Variants in TEKT4 observed in about 807,000 individuals in gnomAD.
TEKT4 encodes tektin 4.
Under a neutral mutation model 46.0 loss-of-function variants are expected in TEKT4, and 46 were observed. That is an observed-to-expected ratio of 1.00 (90% CI 0.79 to 1.28). The LOEUF (loss-of-function observed/expected upper bound fraction) is 1.28. Among genes scored for constraint, TEKT4 ranks in the 50% most tolerant of loss-of-function variants. TEKT4 has a pLI of 0.00. For missense variants in TEKT4, 790 were observed against 622.9 expected, an observed-to-expected ratio of 1.27 and a Z score of -2.85; for synonymous variants, 325 against 265.8, an observed-to-expected ratio of 1.22 and a Z score of -2.17.
Position 94,874,849 on chromosome 2 carries a change from T to C in TEKT4, c.787T>C (p.Ser263Pro). 1 of 1,607,936 alleles carries C rather than the reference T, an allele frequency of 6.2e-7. No individual in the cohort carries two copies. Among genetic ancestry groups the C allele is most frequent in the Non-Finnish European group, 8.5e-7 (1 of 1,178,010 alleles). Residue 263 changes from serine to proline, a missense_variant, in exon 4 of 6, where the codon TCG becomes CCG. Ser to Pro is a moderately conservative substitution (Grantham distance 74). Transcript: ENST00000295201. ...CCGTGCCCAGCGCGAGCGCCTGGCC[T>C]CGGCCAACCTGCGGGTGCTGGTGGA... ...LCRAQRERLA[S>P]ANLRVLVDCI...
In TEKT4 at chr2:94,871,592, G is replaced by T. The variant is rs376333361; in HGVS notation, c.13G>T (p.Val5Leu). 3.7e-6 allele frequency: 6 copies of T among 1,606,536 alleles called. No homozygotes were observed. In the African/African-American group the frequency reaches 6.7e-5, roughly 18 times the overall value. Residue 5 changes from valine (V) to leucine (L), a missense_variant, in exon 1 of 6, where the codon GTG (valine) becomes TTG (leucine). By Grantham distance (32) the Val-to-Leu change is conservative (BLOSUM62 1). Transcript: ENST00000295201. ...GGCGGCAGGCACCATGGCGCAGACAGTGCCGCCCTGCGAGCTGCCCTGCAA... is the reference window on the plus strand; with the variant it reads ...GGCGGCAGGCACCATGGCGCAGACATTGCCGCCCTGCGAGCTGCCCTGCAA... MAQTVPPCELPCKEY... is the reference protein window; with the variant it reads MAQTLPPCELPCKEY...
chr2:94,876,668 G>T lies in TEKT4; in HGVS notation c.1207G>T (p.Asp403Tyr). The change falls in exon 6 of 6, where the codon GAC becomes TAC. Residue 403 changes from aspartate (D) to tyrosine (Y), a missense_variant. Coordinates refer to ENST00000295201, the MANE Select transcript of TEKT4 (RefSeq NM_144705.4). ...LEDIHMSLEK[D>Y]IAAMTNSLFI... Reference sequence around the variant, plus strand: ...GGACATCCACATGAGCCTGGAGAAGGACATTGCCGCCATGACCAACAGTCT... The same window carrying T: ...GGACATCCACATGAGCCTGGAGAAGTACATTGCCGCCATGACCAACAGTCT... The T allele has an allele frequency of 6.2e-7, 1 of 1,613,368 alleles. No homozygotes were observed. Among genetic ancestry groups the T allele is most frequent in the Non-Finnish European group, 8.5e-7 (1 of 1,180,008 alleles).
chr2:94,872,182 A>G (rs1680607595), intron 1 of TEKT4, 105 bp downstream of exon 1: 1 of 1,389,822 alleles, frequency 7.2e-7, no homozygotes, highest in East Asian at 2.6e-5. Flanking sequence ...AGCACGCGGG[A>G]GCCCAGCCCT....
chr2:94,873,054 G>A (rs1396369093), intron 1 of TEKT4: 11 of 1,279,866 alleles, frequency 8.6e-6, no homozygotes, highest in South Asian at 6.2e-5. Flanking sequence ...AATTAAACTG[G>A]CCAGGCAATA....
At chr2:94,873,462 G>GCCT in intron 1 of TEKT4, 58 bp from the exon 2 acceptor site, 1 of 1,610,794 alleles carries the variant, frequency 6.2e-7, no homozygotes, top group South Asian at 1.1e-5. Context: ...CAGCAGCTGG[G>GCCT]CCTCCTGGGA....
chr2:94,872,806 C>A (rs781891363), intron 1 of TEKT4: 25 of 1,289,014 alleles, frequency 1.9e-5, no homozygotes, highest in Middle Eastern at 2.1e-4. Flanking sequence ...CCCTTCTTTA[C>A]CCTTCTGCAG....
At position 94,875,693 on chromosome 2, in the gene TEKT4, C is replaced by A. The variant is rs782704600; in HGVS notation, c.1042C>A (p.Arg348Ser). 3.1e-6 allele frequency: 5 copies of A among 1,614,040 alleles called. No individual in the cohort carries two copies. The Admixed American group carries it at 8.3e-5, about 27-fold the overall frequency. Residue 348 changes from arginine to serine, a missense_variant, in exon 5 of 6, where the codon CGC becomes AGC. Arg to Ser is a moderately radical substitution (Grantham distance 110, BLOSUM62 -1). Coordinates refer to ENST00000295201, the MANE Select transcript of TEKT4 (RefSeq NM_144705.4). Reference sequence around the variant, plus strand: ...CGTAGCCCAGACCCGGCTGTACCTGCGCTCGCACCGGCCCAACATGGAGCT... The same window carrying A: ...CGTAGCCCAGACCCGGCTGTACCTGAGCTCGCACCGGCCCAACATGGAGCT... The part of the protein sequence containing the change: ...LHVAQTRLYL[R>S]SHRPNMELCR...
chr2:94,874,096 C>G lies in TEKT4; in HGVS notation c.701C>G (p.Thr234Ser). Residue 234 changes from threonine to serine, a missense_variant, in exon 3 of 6, where the codon ACC (threonine) becomes AGC (serine). By Grantham distance (58) the Thr-to-Ser change is moderately conservative (BLOSUM62 1). Coordinates refer to ENST00000295201, the MANE Select transcript of TEKT4 (RefSeq NM_144705.4). ...GTGCAGGCTCATCCGTACTCCACCA[C>G]CTTCCAAGAGAGGTGGGCCCCAGCT... ...TEVQAHPYST[T>S]FQESASTPET... is the part of the protein sequence containing the mutation. The G allele has an allele frequency of 1.2e-6, 2 of 1,613,520 alleles. No homozygotes were observed. Among genetic ancestry groups the G allele is most frequent in the Non-Finnish European group, 1.7e-6 (2 of 1,179,900 alleles).
At chr2:94,875,401 C>T (rs1442428523) in intron 4 of TEKT4, among the ~76,000 whole-genome samples, 187 bp from the exon 5 acceptor site, 5 of 152,216 alleles carry the variant, frequency 3.3e-5, no homozygotes, top group African/African-American at 9.6e-5. Context: ...CAACAGGCTT[C>T]CTGACTCTCC....
intron 1 of TEKT4, 30 bp downstream of exon 1, chr2:94,872,107 G>T: frequency 6.6e-7 from 1 of 1,506,548 alleles, no homozygotes. Context: ...GCCGGGATTT[G>T]TGGGCGCAGA....
intron 2 of TEKT4, 152 bp downstream of exon 2, chr2:94,873,742 C>G (rs77715120): frequency 2.4e-6 from 3 of 1,257,686 alleles, no homozygotes; most frequent in Non-Finnish European, 3.3e-6. Flanking sequence ...GAGGTTCCGG[C>G]GCAGCCTGAG....
In TEKT4 at chr2:94,875,649, A is replaced by G; in HGVS notation, c.998A>G (p.Asp333Gly). ...NVAALKQAIK[D>G]KEAPLHVAQT... is the part of the protein sequence containing the mutation. ...GCGGCACTGAAGCAGGCCATCAAGGACAAAGAGGCACCTCTGCACGTAGCC... is the reference window on the plus strand; with the variant it reads ...GCGGCACTGAAGCAGGCCATCAAGGGCAAAGAGGCACCTCTGCACGTAGCC... Residue 333 changes from aspartate to glycine, a missense_variant, in exon 5 of 6, where the codon GAC becomes GGC. Coordinates refer to ENST00000295201, the MANE Select transcript of TEKT4 (RefSeq NM_144705.4). The G allele has an allele frequency of 1.3e-5, 21 of 1,614,166 alleles. No individual in the cohort carries two copies. The highest frequency in any genetic ancestry group is 1.8e-5 in the Non-Finnish European group (21 of 1,180,008).
intron 2 of TEKT4, 74 bp downstream of exon 2, chr2:94,873,664 C>T (rs1335551589): frequency 6.3e-7 from 1 of 1,581,582 alleles, no homozygotes; most frequent in African/African-American, 1.3e-5. Flanking sequence ...CATTGAACGA[C>T]AGGACCCTGA....
In TEKT4 at chr2:94,871,438, C is replaced by T. The variant is rs1431880422; in HGVS notation, c.-142C>T. 2.8e-6 allele frequency: 3 copies of T among 1,067,120 alleles called. No homozygotes were observed. Among genetic ancestry groups the T allele is most frequent in the Non-Finnish European group, 3.9e-6 (3 of 765,766 alleles). The allele number at this position is 1,067,120 out of a possible 1,614,324, so 66.1% of individuals were successfully genotyped here. A position where few individuals can be genotyped will look rare whatever the true frequency, so the allele number is the denominator to read the frequency against. ...GGCAACAGGAAGCTCTTGGTTTACA[C>T]AGTGTCACCCAAGCGACTGGGAGCC... On this transcript the variant is annotated 5_prime_UTR_variant, in exon 1 of 6. Coordinates refer to ENST00000295201, the MANE Select transcript of TEKT4 (RefSeq NM_144705.4).
At position 94,874,071 on chromosome 2, in the gene TEKT4, G is replaced by C; in HGVS notation, c.676G>C (p.Val226Leu). The change falls in exon 3 of 6, where the codon GTG (valine) becomes CTG (leucine). Residue 226 changes from valine (V) to leucine (L), a missense_variant. Physicochemically the swap from Val to Leu is conservative, Grantham distance 32 (BLOSUM62 1). Transcript: ENST00000295201. ...CGRHHSQSTE[V>L]QAHPYSTTFQ... ...GCGCCACCACAGCCAGAGCACCGAG[G>C]TGCAGGCTCATCCGTACTCCACCAC... The C allele has an allele frequency of 6.2e-7, 1 of 1,613,622 alleles. No individual in the cohort carries two copies. The highest frequency in any genetic ancestry group is 8.5e-7 in the Non-Finnish European group (1 of 1,179,914).
chr2:94,872,361 G>T (rs782558102), intron 1 of TEKT4: 28 of 540,210 alleles, frequency 5.2e-5, no homozygotes, highest in Non-Finnish European at 7.9e-5. Context: ...AAGCCACAAG[G>T]CACCTCCCCA....
At chr2:94,872,523 A>G in intron 1 of TEKT4, 1 of 310,182 alleles carries the variant, frequency 3.2e-6, no homozygotes. Flanking sequence ...CTGCACCCAC[A>G]GGTCCCCTCT....
chr2:94,873,537 G>C lies in TEKT4; in HGVS notation c.516G>C (p.Arg172=). The C allele has an allele frequency of 6.2e-7, 1 of 1,612,554 alleles. No homozygotes were observed. The highest frequency in any genetic ancestry group is 8.5e-7 in the Non-Finnish European group (1 of 1,180,002). The part of the protein sequence containing the change: ...TELLKEAELI[R]NIQELLKRTI... ...TCCCTCAGGAAGCCGAGCTCATCCG[G>C]AACATTCAGGAGCTGCTGAAGAGAA... The change falls in exon 2 of 6, where the codon CGG becomes CGC. Residue 172 remains arginine (R), a synonymous_variant. Transcript: ENST00000295201.
At chr2:94,876,266 A>G (rs774030656) in intron 5 of TEKT4, among the ~76,000 whole-genome samples, 1 of 152,000 alleles carries the variant, frequency 6.6e-6, no homozygotes, top group Non-Finnish European at 1.5e-5. Flanking sequence ...TCCTTCCATC[A>G]AGTATCAGGA....
Sources: gnomAD v4.1 joint callset for allele counts (sites outside exome capture counted in the v4.1 genomes callset) on GRCh38, gnomAD v4.1.1 for gene constraint, MANE v1.5 for transcripts, NCBI Gene and HGNC (gene_info 2026-07-23, HGNC 2026-07-21) for gene names.